Variants in ITGB5 observed in about 807,000 individuals in gnomAD.
The protein encoded by ITGB5 is integrin subunit beta 5.
ITGB5 carries 38 observed loss-of-function variants against 84.8 expected under a neutral mutation model. The ratio of observed to expected loss-of-function variants is 0.45; its 90% CI spans 0.35 to 0.59. The LOEUF (loss-of-function observed/expected upper bound fraction) is 0.59, where lower values mean the gene tolerates loss of function less well. Ranked by LOEUF, ITGB5 falls within the 20% of genes least tolerant of loss-of-function variation. The probability of loss-of-function intolerance (pLI) is 0.01; values close to 1 mark genes in which losing one functional copy is unlikely to be tolerated. For missense variants in ITGB5, 905 were observed against 1,034.5 expected, an observed-to-expected ratio of 0.87 and a Z score of 1.72; for synonymous variants, 393 against 414.4, an observed-to-expected ratio of 0.95 and a Z score of 0.63.
intron 4 of ITGB5, among the ~76,000 whole-genome samples, chr3:124,844,956 G>A (rs948847722): frequency 1.3e-5 from 2 of 152,134 alleles, no homozygotes; most frequent in Non-Finnish European, 2.9e-5. Flanking sequence ...GGAGATTCTC[G>A]ACAACGGCAA....
chr3:124,900,665 A>T (rs1314502112), intron 1 of ITGB5, among the ~76,000 whole-genome samples: 3 of 152,084 alleles, frequency 2.0e-5, no homozygotes, highest in Non-Finnish European at 4.4e-5. Flanking sequence ...TGCTTTTTGC[A>T]CTGTGGATTG....
At chr3:124,859,903 T>TGA (rs748680300) in intron 2 of ITGB5, among the ~76,000 whole-genome samples, 32 of 152,254 alleles carry the variant, frequency 2.1e-4, no homozygotes, top group Non-Finnish European at 3.5e-4. Flanking sequence ...GGCAACATAA[T>TGA]GAGACCTCCT....
At chr3:124,840,715 A>G (rs534743336) in intron 5 of ITGB5, among the ~76,000 whole-genome samples, 16 of 151,178 alleles carry the variant, frequency 1.1e-4, no homozygotes, top group African/African-American at 3.6e-4. Flanking sequence ...CCCAGGCTGG[A>G]GTGCAGTGGC....
intron 14 of ITGB5, 41 bp from the exon 15 acceptor site, chr3:124,763,759 G>T: frequency 3.3e-6 from 4 of 1,197,406 alleles, no homozygotes; most frequent in Non-Finnish European, 5.0e-6. Flanking sequence ...ACACATGTTA[G>T]CTCACACACT....
At chr3:124,892,527 TAAAA>T (rs34284622), upstream of ITGB5, among the ~76,000 whole-genome samples, 13 of 106,242 alleles carry the variant, frequency 1.2e-4, no homozygotes, top group African/African-American at 1.8e-4. Flanking sequence ...CCATCTCTAT[TAAAA>T]AAAAAAAAAA....
At chr3:124,769,229 G>C in intron 11 of ITGB5, 116 bp from the exon 12 acceptor site, 3 of 735,212 alleles carry the variant, frequency 4.1e-6, no homozygotes, top group Middle Eastern at 2.7e-4. Flanking sequence ...TCCAGCTGCA[G>C]ATGTTCAGCC....
intron 1 of ITGB5, among the ~76,000 whole-genome samples, chr3:124,881,387 T>A (rs1934565533): frequency 6.6e-6 from 1 of 152,072 alleles, no homozygotes; most frequent in African/African-American, 2.4e-5. Flanking sequence ...CACAGGTAAA[T>A]AAGACCAGGG....
At chr3:124,849,437 T>C (rs766606678) in intron 3 of ITGB5, among the ~76,000 whole-genome samples, 1 of 152,176 alleles carries the variant, frequency 6.6e-6, no homozygotes, top group African/African-American at 2.4e-5. Flanking sequence ...TTATGCCACA[T>C]CACCTGTGTT....
intron 1 of ITGB5, among the ~76,000 whole-genome samples, chr3:124,884,471 C>A (rs13079799): frequency 0.44 from 66,170 of 151,884 alleles, 14,695 homozygotes; most frequent in East Asian, 0.67. Flanking sequence ...GAGGCCGAGG[C>A]GGGCGGATCA....
chr3:124,806,658 C>T (rs372410389), intron 9 of ITGB5, among the ~76,000 whole-genome samples: 65 of 151,878 alleles, frequency 4.3e-4, no homozygotes, highest in African/African-American at 1.5e-3. Context: ...AGGATGGTCT[C>T]GATCTCCTAA....
chr3:124,781,168 C>T (rs2063999997), intron 10 of ITGB5: 1 of 152,202 alleles, frequency 6.6e-6, no homozygotes, highest in South Asian at 2.1e-4. Context: ...GGGCCAACCA[C>T]AGTCCTCTCT....
At chr3:124,778,490 C>T (rs2063956354) in intron 10 of ITGB5, among the ~76,000 whole-genome samples, 1 of 152,174 alleles carries the variant, frequency 6.6e-6, no homozygotes, top group African/African-American at 2.4e-5. Flanking sequence ...GAGGAAGCCC[C>T]AGCATCGACG....
intron 11 of ITGB5, among the ~76,000 whole-genome samples, chr3:124,771,211 G>T (rs999645424): frequency 1.3e-5 from 2 of 152,194 alleles, no homozygotes; most frequent in Non-Finnish European, 2.9e-5. Flanking sequence ...GGTGTTGAGT[G>T]TGAACTCACC....
At chr3:124,851,639 A>ACACACACG (rs2065157486) in intron 3 of ITGB5, among the ~76,000 whole-genome samples, 1 of 150,794 alleles carries the variant, frequency 6.6e-6, no homozygotes. Context: ...ACACACACAC[A>ACACACACG]CACGCACACA....
intron 8 of ITGB5, among the ~76,000 whole-genome samples, chr3:124,814,738 G>A (rs969018326): frequency 5.3e-5 from 8 of 152,158 alleles, no homozygotes; most frequent in East Asian, 1.9e-4. Flanking sequence ...GAGCCACCAC[G>A]CCTGGTCATA....
chr3:124,900,368 G>A (rs1218957194), intron 1 of ITGB5, among the ~76,000 whole-genome samples: 1 of 152,156 alleles, frequency 6.6e-6, no homozygotes, highest in Non-Finnish European at 1.5e-5. Flanking sequence ...CACAAGAATT[G>A]TGCCTGGCAT....
chr3:124,869,771 C>A (rs145106918), intron 2 of ITGB5, among the ~76,000 whole-genome samples: 36 of 152,252 alleles, frequency 2.4e-4, no homozygotes, highest in Non-Finnish European at 4.1e-4. Context: ...GGACAGGGAA[C>A]CTAAGTGTGG....
chr3:124,809,163 GGA>G lies in ITGB5; in HGVS notation c.1129-9_1129-8del. ...CCACTTTAGACCGGATACTCTGAAT[GGA>G]GAGAGAAAATGAAGCCCAACCATTT... On this transcript the variant is annotated splice_region_variant and splice_polypyrimidine_tract_variant and intron_variant, in intron 8 of 14. Coordinates refer to ENST00000296181, the MANE Select transcript of ITGB5 (RefSeq NM_002213.5). The G allele has an allele frequency of 6.2e-7, 1 of 1,613,836 alleles. No homozygotes were observed. Among genetic ancestry groups the G allele is most frequent in the Non-Finnish European group, 8.5e-7 (1 of 1,179,922 alleles).
rs144048165 is a variant in ITGB5 at position 124,773,878 on chromosome 3, G to A, written c.1728C>T (p.Cys576=). ...AGTTGTCCCCGATGTAACCTGCATG[G>A]CACTTGCATTCCCCGCAGTGACACT... ...HGECHCGECK[C]HAGYIGDNCN... The change falls in exon 11 of 15, where the codon TGC becomes TGT. Residue 576 remains cysteine, a synonymous_variant. Coordinates refer to ENST00000296181, the MANE Select transcript of ITGB5 (RefSeq NM_002213.5). The A allele has an allele frequency of 3.4e-4, 550 of 1,614,212 alleles. 1 individual carries two copies. The African/African-American group carries it at 6.3e-3, about 19-fold the overall frequency.
Sources: allele counts gnomAD v4.1 joint callset (sites outside exome capture counted in the v4.1 genomes callset), GRCh38; gene constraint gnomAD v4.1.1; transcripts MANE v1.5; gene names NCBI Gene and HGNC (gene_info 2026-07-23, HGNC 2026-07-21).